MAP3K15: variants seen among roughly 807,000 people sequenced by gnomAD.
The protein encoded by MAP3K15 is MAPK/ERK kinase kinase 15.
Under a neutral mutation model 99.5 loss-of-function variants are expected in MAP3K15, and 124 were observed. The ratio of observed to expected loss-of-function variants is 1.25; its 90% CI spans 1.08 to 1.45. MAP3K15 has a LOEUF of 1.45. Among genes scored for constraint, MAP3K15 ranks in the 40% most tolerant of loss-of-function variants. The probability of loss-of-function intolerance (pLI) is 0.00; values close to 1 mark genes in which losing one functional copy is unlikely to be tolerated. For missense variants in MAP3K15, 1,242 were observed against 1,079.7 expected, an observed-to-expected ratio of 1.15 and a Z score of -2.11; for synonymous variants, 494 against 439.6, an observed-to-expected ratio of 1.12 and a Z score of -1.55.
chrX:19,508,218 C>A (rs1467566407), intron 1 of MAP3K15, among the ~76,000 whole-genome samples: 1 of 111,572 alleles, frequency 9.0e-6, no homozygotes, highest in Non-Finnish European at 1.9e-5. Flanking sequence ...GTTGGCCAGC[C>A]TGGAGTGCAG....
At chrX:19,422,504 C>T (rs145137840) in intron 9 of MAP3K15, among the ~76,000 whole-genome samples, 14,902 of 111,192 alleles carry the variant, frequency 0.13, 1,784 homozygotes, top group African/African-American at 0.38. Flanking sequence ...GTTAGAATGG[C>T]GATCATTAAA....
At position 19,464,281 on chromosome X, in the gene MAP3K15, C is replaced by G. The variant is rs1352131946; in HGVS notation, c.651G>C (p.Leu217=). The change falls in exon 4 of 29, where the codon CTG becomes CTC. Residue 217 remains leucine (L), a synonymous_variant. Coordinates refer to ENST00000338883, the MANE Select transcript of MAP3K15 (RefSeq NM_001001671.4). ...EYMQPNWDNI[L]GPLCMPLVDR... Reference sequence around the variant, plus strand: ...CCACCAAAGGCATGCACAGCGGGCCCAGGATGTTGTCCCAGTTGGGCTGCA... The same window carrying G: ...CCACCAAAGGCATGCACAGCGGGCCGAGGATGTTGTCCCAGTTGGGCTGCA... 5.0e-6 allele frequency: 6 copies of G among 1,200,271 alleles called. No individual in the cohort carries two copies. The highest frequency in any genetic ancestry group is 6.7e-6 in the Non-Finnish European group (6 of 895,245).
chrX:19,455,824 AT>A (rs965992487), intron 6 of MAP3K15, among the ~76,000 whole-genome samples: 15 of 110,929 alleles, frequency 1.4e-4, no homozygotes, highest in Admixed American at 7.8e-4. Flanking sequence ...TAACAAACCA[AT>A]TTTTTACAGC....
chrX:19,386,395 G>A (rs944255159), intron 18 of MAP3K15, among the ~76,000 whole-genome samples: 4 of 111,651 alleles, frequency 3.6e-5, no homozygotes, highest in Non-Finnish European at 7.5e-5. Flanking sequence ...GGTGGAGGTT[G>A]TACTGAGCCA....
chrX:19,370,320 A>G (rs1314781994), intron 24 of MAP3K15, among the ~76,000 whole-genome samples: 1 of 112,340 alleles, frequency 8.9e-6, no homozygotes, highest in Non-Finnish European at 1.9e-5. Context: ...TGAGTGCACG[A>G]TGAAGGGGAT....
At chrX:19,386,679 C>T (rs746177097) in intron 18 of MAP3K15, among the ~76,000 whole-genome samples, 2 of 111,237 alleles carry the variant, frequency 1.8e-5, no homozygotes, top group East Asian at 5.7e-4. Flanking sequence ...CCACTGGGGA[C>T]TCCTGGAGAA....
intron 25 of MAP3K15, among the ~76,000 whole-genome samples, chrX:19,368,600 C>T (rs2063351756): frequency 1.8e-5 from 2 of 112,345 alleles, no homozygotes; most frequent in Non-Finnish European, 3.8e-5. Flanking sequence ...GAAATGACAA[C>T]AGGACAAACT....
In MAP3K15 at chrX:19,426,273, C is replaced by A. The variant is rs759564714; in HGVS notation, c.1237G>T (p.Ala413Ser). The A allele has an allele frequency of 1.7e-6, 2 of 1,169,596 alleles. No individual in the cohort carries two copies. Among genetic ancestry groups the A allele is most frequent in the Non-Finnish European group, 2.3e-6 (2 of 878,437 alleles). ...AAGGAAGTTTCAAATTGTTGTCCAG[C>A]AACAATCAGCAAAACTGCAAGATTA... is the stretch of plus-strand genomic sequence containing the variant. ...GINLAVLLIVAGQQFETSLEL... is the reference protein window; with the variant it reads ...GINLAVLLIVSGQQFETSLEL... Residue 413 changes from alanine (A) to serine (S), a missense_variant, in exon 8 of 29, where the codon GCT becomes TCT. By Grantham distance (99) the Ala-to-Ser change is moderately conservative. Transcript: ENST00000338883.
In MAP3K15 at chrX:19,413,371, A is replaced by C. The variant is rs1442470722; in HGVS notation, c.1684T>G (p.Ser562Ala). ...EERTVSLWHV[S>A]PTEMKQMHEW... ...TTCCTCCTTACCATTTCTGTGGGTGAGACATGCCATAAAGAAACTGTTCTC... is the reference window on the plus strand; with the variant it reads ...TTCCTCCTTACCATTTCTGTGGGTGCGACATGCCATAAAGAAACTGTTCTC... Residue 562 changes from serine to alanine, a missense_variant, in exon 11 of 29, where the codon TCA becomes GCA. Transcript: ENST00000338883. 8.3e-7 allele frequency: 1 copy of C among 1,197,902 alleles called. No homozygotes were observed. The highest frequency in any genetic ancestry group is 3.0e-5 in the East Asian group (1 of 33,598).
chrX:19,378,492 C>A (rs1016165212), intron 19 of MAP3K15, among the ~76,000 whole-genome samples: 4 of 111,921 alleles, frequency 3.6e-5, no homozygotes. Flanking sequence ...AGAATGAGAA[C>A]CAGCAAAGGC....
chrX:19,488,973 A>G lies in MAP3K15; in HGVS notation c.362-6T>C. 2 of 1,196,934 alleles carry G rather than the reference A, an allele frequency of 1.7e-6. No homozygotes were observed. The highest frequency in any genetic ancestry group is 2.2e-6 in the Non-Finnish European group (2 of 892,875). On this transcript the variant is annotated splice_polypyrimidine_tract_variant and splice_region_variant and intron_variant, in intron 1 of 28. Transcript: ENST00000338883. Reference sequence around the variant, plus strand: ...CATGTCTACCACAGCAACATCTGCAATGAACAAGGAGAGGACAGGATTAGG... The same window carrying G: ...CATGTCTACCACAGCAACATCTGCAGTGAACAAGGAGAGGACAGGATTAGG...
chrX:19,434,719 G>A (rs1602306677), intron 6 of MAP3K15, among the ~76,000 whole-genome samples: 1 of 111,826 alleles, frequency 8.9e-6, no homozygotes, highest in Middle Eastern at 4.6e-3. Flanking sequence ...GTGCTCCCAA[G>A]GATGGTACGT....
intron 3 of MAP3K15, among the ~76,000 whole-genome samples, chrX:19,477,174 T>G (rs1485076336): frequency 2.7e-5 from 3 of 111,551 alleles, no homozygotes; most frequent in Non-Finnish European, 5.6e-5. Flanking sequence ...GCAGGTAGAA[T>G]TAAATATGAA....
intron 13 of MAP3K15, among the ~76,000 whole-genome samples, chrX:19,404,023 G>A (rs2063629467): frequency 9.0e-6 from 1 of 111,384 alleles, no homozygotes; most frequent in African/African-American, 3.3e-5. Context: ...AGTCTAGCTA[G>A]GATAATTAGG....
At chrX:19,450,105 G>A (rs970538824) in intron 6 of MAP3K15, among the ~76,000 whole-genome samples, 2 of 109,333 alleles carry the variant, frequency 1.8e-5, no homozygotes, top group African/African-American at 3.3e-5. Flanking sequence ...ACTTGACCAC[G>A]GCCATAACAA....
At chrX:19,486,381 A>G (rs887666328) in intron 3 of MAP3K15, 101 bp downstream of exon 3, 1 of 347,511 alleles carries the variant, frequency 2.9e-6, no homozygotes, top group African/African-American at 2.7e-5. Flanking sequence ...AGGCGTGATT[A>G]GAAGTCATCT....
At chrX:19,404,279 G>T (rs2063632228) in intron 13 of MAP3K15, among the ~76,000 whole-genome samples, 2 of 111,656 alleles carry the variant, frequency 1.8e-5, no homozygotes, top group African/African-American at 6.5e-5. Context: ...AAATCCTTAG[G>T]TATGTACTTA....
Position 19,377,553 on chromosome X carries a change from G to C in MAP3K15, c.2589+2567C>G, listed in dbSNP as rs929346462. The stretch of plus-strand genomic sequence containing the variant: ...AGTGAGACTCTGTCAAAAAAAAAAA[G>C]AGAGACTTTGTACAGTGAATTCGCT... On this transcript the variant is annotated intron_variant, in intron 19 of 28. Transcript: ENST00000338883. 2.7e-5 allele frequency among the ~76,000 whole-genome samples: 3 copies of C among 110,750 alleles called. No individual in the cohort carries two copies. In the East Asian group the frequency reaches 8.6e-4, roughly 32 times the overall value.
intron 4 of MAP3K15, among the ~76,000 whole-genome samples, chrX:19,462,014 C>A (rs1395493957): frequency 6.5e-5 from 1 of 15,369 alleles, no homozygotes; most frequent in African/African-American, 8.6e-5. Context: ...CACACACACA[C>A]ACACACACAC....
Sources: gnomAD v4.1 joint callset for allele counts (sites outside exome capture counted in the v4.1 genomes callset) on GRCh38, gnomAD v4.1.1 for gene constraint, MANE v1.5 for transcripts, NCBI Gene and HGNC (gene_info 2026-07-23, HGNC 2026-07-21) for gene names.